The following ADCY2 variants were observed in gnomAD, a reference collection of about 807,000 sequenced individuals.
ADCY2 encodes the protein adenylate cyclase 2, also known as adenylate cyclase type 2.
Under a neutral mutation model 125.2 loss-of-function variants are expected in ADCY2, and 31 were observed. That is an observed-to-expected ratio of 0.25 (90% confidence interval 0.19 to 0.33). The LOEUF is 0.33. ADCY2 is among the 10% of genes least tolerant of loss of function. The probability of loss-of-function intolerance (pLI) is 1.00; values close to 1 mark genes in which losing one functional copy is unlikely to be tolerated. For synonymous variants in ADCY2, 512 were observed against 548.4 expected (o/e 0.93, Z 0.93); for missense variants, 904 against 1,418.2 (o/e 0.64, Z 5.82).
chr5:7,676,178 C>G (rs1740120881), intron 4 of ADCY2, among the ~76,000 whole-genome samples: 1 of 152,162 alleles, frequency 6.6e-6, no homozygotes, highest in Admixed American at 6.5e-5. Flanking sequence ...TGAGATTCAT[C>G]TACTGAATTG....
At chr5:7,498,684 C>T (rs1743436413) in intron 2 of ADCY2, among the ~76,000 whole-genome samples, 1 of 152,186 alleles carries the variant, frequency 6.6e-6, no homozygotes, top group African/African-American at 2.4e-5. Context: ...TTATATTCAA[C>T]ATAAATGTTA....
intron 2 of ADCY2, among the ~76,000 whole-genome samples, chr5:7,501,094 G>C (rs945856298): frequency 1.8e-4 from 27 of 146,012 alleles, no homozygotes; most frequent in African/African-American, 6.1e-4. Flanking sequence ...TTTTTTGTTC[G>C]CAAGTAACAG....
intron 2 of ADCY2, among the ~76,000 whole-genome samples, chr5:7,481,549 G>A (rs1023993852): frequency 6.6e-6 from 1 of 151,346 alleles, no homozygotes; most frequent in African/African-American, 2.4e-5. Flanking sequence ...TTACAGGCGT[G>A]AGCCACCACG....
At chr5:7,661,625 G>C (rs181542869) in intron 4 of ADCY2, among the ~76,000 whole-genome samples, 202 of 152,304 alleles carry the variant, frequency 1.3e-3, no homozygotes, top group East Asian at 3.5e-3. Flanking sequence ...CAGTGACCTG[G>C]CTTCCAAATC....
chr5:7,679,645 A>C (rs1238609452), intron 4 of ADCY2, among the ~76,000 whole-genome samples: 2 of 152,228 alleles, frequency 1.3e-5, no homozygotes, highest in East Asian at 3.9e-4. Context: ...TAAGAAGGAA[A>C]GAACAGTCAG....
At chr5:7,578,188 A>T (rs62342978) in intron 3 of ADCY2, among the ~76,000 whole-genome samples, 8,903 of 152,298 alleles carry the variant, frequency 0.058, 315 homozygotes, top group Middle Eastern at 0.11. Flanking sequence ...TGAAAGGAGA[A>T]TGCTTTTAAT....
At chr5:7,470,634 ATG>A (rs35202661) in intron 2 of ADCY2, among the ~76,000 whole-genome samples, 65,345 of 147,478 alleles carry the variant, frequency 0.44, 15,026 homozygotes, top group African/African-American at 0.51. Context: ...TACTGTATAT[ATG>A]TGTGTGTGTG....
chr5:7,696,515 A>G (rs1166417827), intron 6 of ADCY2, among the ~76,000 whole-genome samples: 1 of 152,214 alleles, frequency 6.6e-6, no homozygotes, highest in Non-Finnish European at 1.5e-5. Context: ...GGGTGGCAAT[A>G]TCGATGACAA....
Position 7,499,213 on chromosome 5 carries a change from C to T in ADCY2, c.409-21525C>T, listed in dbSNP as rs1260007816. Among the ~76,000 whole-genome samples the T allele has an allele frequency of 4.6e-5, 7 of 152,022 alleles. No homozygotes were observed. In the East Asian group the frequency reaches 1.2e-3, roughly 25 times the overall value. On this transcript the variant is annotated intron_variant, in intron 2 of 24. Coordinates refer to ENST00000338316, the MANE Select transcript of ADCY2 (RefSeq NM_020546.3). ...AGTAGAGATGGGGTTTCACCATGTT[C>T]GCCAGGATGGTCTCGATCTCTTGAC...
chr5:7,718,526 T>C (rs1377532126), intron 12 of ADCY2, among the ~76,000 whole-genome samples: 1 of 152,106 alleles, frequency 6.6e-6, no homozygotes, highest in Non-Finnish European at 1.5e-5. Context: ...GATATGTGTG[T>C]CTATGGTGGG....
intron 3 of ADCY2, among the ~76,000 whole-genome samples, chr5:7,558,509 C>T (rs901076414): frequency 6.6e-6 from 1 of 152,022 alleles, no homozygotes; most frequent in African/African-American, 2.4e-5. Context: ...TGTTCATGTC[C>T]TTTGCCCACT....
intron 2 of ADCY2, among the ~76,000 whole-genome samples, chr5:7,506,837 G>C (rs1467252985): frequency 1.5e-5 from 2 of 134,788 alleles, no homozygotes; most frequent in African/African-American, 2.8e-5. Flanking sequence ...ACCCAGGCTG[G>C]AGTGCAGTGG....
chr5:7,655,491 T>C (rs952395258), intron 4 of ADCY2, among the ~76,000 whole-genome samples: 1 of 152,212 alleles, frequency 6.6e-6, no homozygotes, highest in African/African-American at 2.4e-5. Context: ...ACGTTCCAGC[T>C]GAAGCCAGGA....
intron 3 of ADCY2, among the ~76,000 whole-genome samples, chr5:7,596,442 C>G (rs1737007948): frequency 6.6e-6 from 1 of 152,168 alleles, no homozygotes; most frequent in South Asian, 2.1e-4. Flanking sequence ...GAGTTGTCTT[C>G]TAGTGAGTTG....
At chr5:7,589,972 C>T (rs982910594) in intron 3 of ADCY2, among the ~76,000 whole-genome samples, 3 of 152,158 alleles carry the variant, frequency 2.0e-5, no homozygotes, top group Non-Finnish European at 4.4e-5. Context: ...TCATCCTTAC[C>T]TGTCTATTTA....
chr5:7,655,269 TAGTC>T (rs1739281266), intron 4 of ADCY2, among the ~76,000 whole-genome samples: 1 of 152,190 alleles, frequency 6.6e-6, no homozygotes, highest in Non-Finnish European at 1.5e-5. Flanking sequence ...AGGACTGTAT[TAGTC>T]AGGGGTCTTT....
At chr5:7,440,558 G>T (rs1024195243) in intron 2 of ADCY2, among the ~76,000 whole-genome samples, 1 of 152,108 alleles carries the variant, frequency 6.6e-6, no homozygotes, top group Non-Finnish European at 1.5e-5. Context: ...CATGGAAACA[G>T]CATTCTCTGT....
chr5:7,514,845 T>C (rs1001193570), intron 2 of ADCY2, among the ~76,000 whole-genome samples: 59 of 152,208 alleles, frequency 3.9e-4, no homozygotes, highest in Non-Finnish European at 5.4e-4. Context: ...GAATCTGCAA[T>C]AGATTCTTCC....
At chr5:7,635,306 T>C (rs535752292) in intron 4 of ADCY2, among the ~76,000 whole-genome samples, 2 of 152,300 alleles carry the variant, frequency 1.3e-5, no homozygotes, top group East Asian at 3.9e-4. Context: ...TTGGAAGCCA[T>C]GGCATACTAT....
Sources: gnomAD v4.1 joint callset for allele counts (sites outside exome capture counted in the v4.1 genomes callset) on GRCh38, gnomAD v4.1.1 for gene constraint, MANE v1.5 for transcripts, NCBI Gene and HGNC (gene_info 2026-07-23, HGNC 2026-07-21) for gene names.